The following TSHR variants were observed in gnomAD, a reference collection of about 807,000 sequenced individuals.
TSHR encodes thyroid stimulating hormone receptor.
In TSHR, 51 loss-of-function variants were observed where a neutral mutation model predicts 64.1. The ratio of observed to expected loss-of-function variants is 0.80; its 90% CI spans 0.64 to 1.01. The LOEUF (loss-of-function observed/expected upper bound fraction) is 1.01, where lower values mean the gene tolerates loss of function less well. TSHR is among the 50% of genes least tolerant of loss of function. The pLI, the probability that TSHR is intolerant of heterozygous loss-of-function variation, is 0.00. For synonymous variants in TSHR, 361 were observed against 361.9 expected (o/e 1.00, Z 0.03); for missense variants, 877 against 942.8 (o/e 0.93, Z 0.91).
At chr14:80,999,017 T>C (rs901025166) in intron 1 of TSHR, among the ~76,000 whole-genome samples, 1 of 152,192 alleles carries the variant, frequency 6.6e-6, no homozygotes, top group Non-Finnish European at 1.5e-5. Flanking sequence ...CAACTTGCAT[T>C]TTCTCATTGG....
chr14:81,113,675 T>C (rs922979860), intron 8 of TSHR, among the ~76,000 whole-genome samples: 1 of 151,622 alleles, frequency 6.6e-6, no homozygotes, highest in African/African-American at 2.4e-5. Flanking sequence ...GGTGATCATG[T>C]GAGTAAATGA....
At chr14:81,119,872 C>T (rs1468413271) in intron 8 of TSHR, among the ~76,000 whole-genome samples, 1 of 86,220 alleles carries the variant, frequency 1.2e-5, no homozygotes, top group Non-Finnish European at 2.2e-5. Flanking sequence ...AGTTCATGTC[C>T]CTTGTAGGGA....
intron 1 of TSHR, among the ~76,000 whole-genome samples, chr14:81,030,198 A>C (rs1884279190): frequency 6.6e-6 from 1 of 152,196 alleles, no homozygotes; most frequent in Non-Finnish European, 1.5e-5. Context: ...GGGAAAACAA[A>C]GAAGTCACTT....
At chr14:80,974,563 A>G (rs1887767827) in intron 1 of TSHR, among the ~76,000 whole-genome samples, 1 of 152,180 alleles carries the variant, frequency 6.6e-6, no homozygotes, top group Non-Finnish European at 1.5e-5. Flanking sequence ...AATCCCTGGA[A>G]TCTAAAACAA....
intron 1 of TSHR, among the ~76,000 whole-genome samples, chr14:80,963,841 G>C (rs959294774): frequency 6.6e-6 from 1 of 152,182 alleles, no homozygotes; most frequent in Non-Finnish European, 1.5e-5. Flanking sequence ...TGCTTCTGTT[G>C]TTTTCTCAAA....
chr14:81,087,877 T>A lies in TSHR; in HGVS notation c.318-77T>A, dbSNP rs1339830307. The stretch of plus-strand genomic sequence containing the variant: ...TTTTCTCATGAACGTTTGTTAAAAC[T>A]GATTTATGTTGTTTTGTCTTTGATA... On this transcript the variant is annotated intron_variant, in intron 3 of 9. Coordinates refer to ENST00000298171, the MANE Select transcript of TSHR (RefSeq NM_000369.5). The A allele has an allele frequency of 2.6e-6, 3 of 1,176,308 alleles. No homozygotes were observed. In the Admixed American group the frequency reaches 5.1e-5, roughly 20 times the overall value. The allele number at this position is 1,176,308 out of a possible 1,614,324, so 72.9% of individuals were successfully genotyped here.
At position 81,143,473 on chromosome 14, in the gene TSHR, C is replaced by G; in HGVS notation, c.1415C>G (p.Ser472Cys). The change falls in exon 10 of 10, where the codon TCT becomes TGT. Residue 472 changes from serine (S) to cysteine (C), a missense_variant. Ser to Cys is a moderately radical substitution (Grantham distance 112). Coordinates refer to ENST00000298171, the MANE Select transcript of TSHR (RefSeq NM_000369.5). ...GGGATGTACCTGCTCCTCATCGCCT[C>G]TGTAGACCTCTACACTCACTCTGAG... ...CMGMYLLLIA[S>C]VDLYTHSEYY... 1 of 1,614,196 alleles carries G rather than the reference C, an allele frequency of 6.2e-7. No individual in the cohort carries two copies. The highest frequency in any genetic ancestry group is 8.5e-7 in the Non-Finnish European group (1 of 1,180,050).
chr14:81,142,142 G>A (rs576363872), intron 9 of TSHR, among the ~76,000 whole-genome samples: 9 of 152,118 alleles, frequency 5.9e-5, no homozygotes, highest in African/African-American at 9.6e-5. Flanking sequence ...ATGCAGTGGC[G>A]CAATCTTGAC....
chr14:81,114,720 G>C (rs1156494601), intron 8 of TSHR, among the ~76,000 whole-genome samples: 6 of 152,182 alleles, frequency 3.9e-5, no homozygotes, highest in Non-Finnish European at 7.3e-5. Flanking sequence ...CTCCACCTCT[G>C]GGGGCAGGGC....
At chr14:81,083,463 T>G (rs988777021) in intron 3 of TSHR, among the ~76,000 whole-genome samples, 1 of 134,954 alleles carries the variant, frequency 7.4e-6, no homozygotes, top group Non-Finnish European at 1.5e-5. Flanking sequence ...CCTTGAAACC[T>G]CATTTAAAAA....
chr14:81,001,466 C>G (rs958883586), intron 1 of TSHR: 2 of 503,962 alleles, frequency 4.0e-6, no homozygotes. Flanking sequence ...GCTCAATGAC[C>G]TGAGAATCTA....
In TSHR at chr14:81,105,956, GT is replaced by G. The variant is rs113490725; in HGVS notation, c.615-2408del. Among the ~76,000 whole-genome samples, 533 of 149,236 alleles carry G rather than the reference GT, an allele frequency of 3.6e-3. 7 individuals carry two copies. The highest frequency in any genetic ancestry group is 0.012 in the African/African-American group (496 of 40,252). On this transcript the variant is annotated intron_variant, in intron 7 of 9. Coordinates refer to ENST00000298171, the MANE Select transcript of TSHR (RefSeq NM_000369.5). ...GCTGTTCAATATCTTCTCTGCAGTTGTTTTTTTTTTTCAAGGTGGATTTTGC... is the reference window on the plus strand; with the variant it reads ...GCTGTTCAATATCTTCTCTGCAGTTGTTTTTTTTTTCAAGGTGGATTTTGC...
chr14:81,033,976 T>C (rs1366772666), intron 1 of TSHR, among the ~76,000 whole-genome samples: 1 of 152,184 alleles, frequency 6.6e-6, no homozygotes, highest in African/African-American at 2.4e-5. Context: ...ATTGTACCAA[T>C]AGTTAGTTCT....
chr14:81,139,617 A>C, intron 8 of TSHR, 62 bp from the exon 9 acceptor site: 1 of 1,585,908 alleles, frequency 6.3e-7, no homozygotes, highest in Non-Finnish European at 8.6e-7. Flanking sequence ...GTTTCTGGCC[A>C]AGGCTGAGAA....
Position 81,092,547 on chromosome 14 carries a change from C to G in TSHR, c.484C>G (p.Pro162Ala), listed in dbSNP as rs121908863. 345 of 1,613,988 alleles carry G rather than the reference C, an allele frequency of 2.1e-4. No homozygotes were observed. Among genetic ancestry groups the G allele is most frequent in the Middle Eastern group, 1.2e-3 (7 of 6,060 alleles). ...IFFILEITDNPYMTSIPVNAF... is the reference protein window; with the variant it reads ...IFFILEITDNAYMTSIPVNAF... ...CTCTTGCAGTGAAATTACAGACAAC[C>G]CTTACATGACGTCAATCCCTGTGAA... The change falls in exon 6 of 10, where the codon CCT (proline) becomes GCT (alanine). Residue 162 changes from proline (P) to alanine (A), a missense_variant. By Grantham distance (27) the Pro-to-Ala change is conservative (BLOSUM62 -1). Coordinates refer to ENST00000298171, the MANE Select transcript of TSHR (RefSeq NM_000369.5).
intron 1 of TSHR, among the ~76,000 whole-genome samples, chr14:81,020,348 G>T (rs888904252): frequency 1.1e-4 from 16 of 152,196 alleles, no homozygotes; most frequent in Non-Finnish European, 1.0e-4. Context: ...CATAGAGGAA[G>T]TGAGTGGCAG....
chr14:81,122,138 G>A (rs1376541405), intron 8 of TSHR, among the ~76,000 whole-genome samples: 1 of 129,872 alleles, frequency 7.7e-6, no homozygotes, highest in African/African-American at 2.9e-5. Flanking sequence ...CCACCTCCCG[G>A]GTTCAAGCAA....
At chr14:81,060,520 A>G (rs1817099043) in intron 1 of TSHR, among the ~76,000 whole-genome samples, 1 of 152,156 alleles carries the variant, frequency 6.6e-6, no homozygotes, top group Admixed American at 6.6e-5. Context: ...CTCTTTTGAC[A>G]TTCACATCAC....
intron 8 of TSHR, among the ~76,000 whole-genome samples, chr14:81,138,385 T>C (rs1891541681): frequency 6.6e-6 from 1 of 151,856 alleles, no homozygotes; most frequent in Admixed American, 6.6e-5. Flanking sequence ...GAGATGGGGT[T>C]TCACTATGTT....
Sources: allele counts gnomAD v4.1 joint callset (sites outside exome capture counted in the v4.1 genomes callset), GRCh38; gene constraint gnomAD v4.1.1; transcripts MANE v1.5; gene names NCBI Gene and HGNC (gene_info 2026-07-23, HGNC 2026-07-21).